Variants in CNBD1 observed in about 807,000 individuals in gnomAD.
The protein encoded by CNBD1 is cyclic nucleotide-binding domain-containing protein 1.
CNBD1 carries 71 observed loss-of-function variants against 54.4 expected under a neutral mutation model. The ratio of observed to expected loss-of-function variants is 1.30; its 90% CI spans 1.08 to 1.59. The LOEUF (loss-of-function observed/expected upper bound fraction) is 1.59, where lower values mean the gene tolerates loss of function less well. Ranked by LOEUF, CNBD1 falls within the 40% of genes most tolerant of loss-of-function variation. The pLI is 0.00. For missense variants in CNBD1, 659 were observed against 518.0 expected (o/e 1.27, Z -2.64); for synonymous variants, 182 against 170.7 (o/e 1.07, Z -0.51).
At position 87,171,173 on chromosome 8, in the gene CNBD1, A is replaced by G. The variant is rs905878258; in HGVS notation, c.432-34820A>G. Among the ~76,000 whole-genome samples the G allele has an allele frequency of 5.3e-5, 8 of 152,078 alleles. No individual in the cohort carries two copies. In the East Asian group the frequency reaches 1.2e-3, roughly 22 times the overall value. On this transcript the variant is annotated intron_variant, in intron 4 of 10. Coordinates refer to ENST00000518476, the MANE Select transcript of CNBD1 (RefSeq NM_173538.3). ...GTCTCAGGCTTTTCTTTGCTGGGAG[A>G]CATTTTAATATGGCTTTGATTTCAT...
intron 4 of CNBD1, among the ~76,000 whole-genome samples, chr8:87,052,675 T>C (rs989434484): frequency 1.3e-5 from 2 of 152,144 alleles, no homozygotes; most frequent in East Asian, 1.9e-4. Context: ...GAGGTTTTCT[T>C]TGGCTATAGG....
At chr8:87,131,861 C>T (rs1252269939) in intron 4 of CNBD1, among the ~76,000 whole-genome samples, 1 of 151,980 alleles carries the variant, frequency 6.6e-6, no homozygotes, top group Non-Finnish European at 1.5e-5. Context: ...TATCACCTCT[C>T]TTCATTGAAA....
At chr8:87,155,015 G>C (rs1455529938) in intron 4 of CNBD1, among the ~76,000 whole-genome samples, 2 of 152,140 alleles carry the variant, frequency 1.3e-5, no homozygotes, top group South Asian at 4.1e-4. Flanking sequence ...CCAGCTGGGA[G>C]CACCTGCTCC....
At chr8:87,161,849 C>T (rs1376375609) in intron 4 of CNBD1, among the ~76,000 whole-genome samples, 1 of 152,104 alleles carries the variant, frequency 6.6e-6, no homozygotes, top group Non-Finnish European at 1.5e-5. Context: ...GTTTATTCAA[C>T]ATGGTAAAGC....
chr8:87,307,162 C>T (rs970973171), intron 8 of CNBD1, among the ~76,000 whole-genome samples: 2 of 152,138 alleles, frequency 1.3e-5, no homozygotes, highest in African/African-American at 4.8e-5. Context: ...AACATAAGCC[C>T]TCTCGAACAT....
chr8:87,071,744 T>A (rs1810763066), intron 4 of CNBD1, among the ~76,000 whole-genome samples: 1 of 152,164 alleles, frequency 6.6e-6, no homozygotes, highest in South Asian at 2.1e-4. Flanking sequence ...GTGATCAGTT[T>A]TAGAGTAAGT....
downstream of CNBD1, among the ~76,000 whole-genome samples, chr8:87,383,054 A>G (rs971789220): frequency 6.6e-6 from 1 of 152,048 alleles, no homozygotes; most frequent in Non-Finnish European, 1.5e-5. Context: ...AAAAAAATCT[A>G]TAAAGCATAT....
chr8:87,002,508 A>C (rs1809013583), intron 4 of CNBD1, among the ~76,000 whole-genome samples: 1 of 151,896 alleles, frequency 6.6e-6, no homozygotes, highest in Admixed American at 6.6e-5. Context: ...ATTCTATTCC[A>C]GGCATGTGGT....
Position 86,939,750 on chromosome 8 carries a change from A to G in CNBD1, c.427A>G (p.Lys143Glu). The stretch of plus-strand genomic sequence containing the variant: ...TGAAGAATTCCTAGCTATCTTAAAG[A>G]AATTGTAAGTATTTAAAATATATTC... ...KFEEFLAILKKLPIHRTPYEH... is the reference protein window; with the variant it reads ...KFEEFLAILKELPIHRTPYEH... Residue 143 changes from lysine (K) to glutamate (E), a missense_variant, in exon 4 of 11, where the codon AAA becomes GAA. Transcript: ENST00000518476. 6.5e-7 allele frequency: 1 copy of G among 1,527,908 alleles called. No individual in the cohort carries two copies. Among genetic ancestry groups the G allele is most frequent in the Non-Finnish European group, 8.9e-7 (1 of 1,125,358 alleles). 94.6% of individuals were successfully genotyped at this position (1,527,908 alleles called of 1,614,324 possible).
intron 4 of CNBD1, among the ~76,000 whole-genome samples, chr8:87,160,924 A>G (rs1812844913): frequency 6.6e-6 from 1 of 152,142 alleles, no homozygotes; most frequent in Admixed American, 6.6e-5. Context: ...TGTATTTTCT[A>G]TGACACAAAC....
chr8:87,284,252 C>T (rs1808650268), intron 6 of CNBD1, among the ~76,000 whole-genome samples: 1 of 151,982 alleles, frequency 6.6e-6, no homozygotes, highest in Non-Finnish European at 1.5e-5. Flanking sequence ...AGCAATCATC[C>T]ATAAATATTA....
intron 4 of CNBD1, among the ~76,000 whole-genome samples, chr8:86,952,825 C>T (rs145514020): frequency 2.2e-4 from 33 of 152,090 alleles, no homozygotes; most frequent in Non-Finnish European, 2.1e-4. Flanking sequence ...AATCAAATTG[C>T]TCCCAAGAGT....
intron 2 of CNBD1, among the ~76,000 whole-genome samples, chr8:86,888,650 G>C (rs779079416): frequency 2.0e-5 from 3 of 152,106 alleles, no homozygotes; most frequent in Non-Finnish European, 2.9e-5. Context: ...AGAAGTGTTA[G>C]TTATTTTTAT....
intron 4 of CNBD1, among the ~76,000 whole-genome samples, chr8:86,955,908 G>A (rs974385798): frequency 6.6e-6 from 1 of 152,162 alleles, no homozygotes; most frequent in African/African-American, 2.4e-5. Context: ...CCTTGCCCAT[G>A]CCTATATCCT....
chr8:86,998,896 C>A (rs1039689759), intron 4 of CNBD1, among the ~76,000 whole-genome samples: 2 of 152,160 alleles, frequency 1.3e-5, no homozygotes, highest in Non-Finnish European at 2.9e-5. Context: ...AAGCATCCCA[C>A]AATCCACCTC....
At chr8:87,274,193 C>T (rs537969715) in intron 6 of CNBD1, among the ~76,000 whole-genome samples, 1 of 151,434 alleles carries the variant, frequency 6.6e-6, no homozygotes, top group East Asian at 1.9e-4. Flanking sequence ...GGGTTGGTTC[C>T]AAGTCTTTGC....
At chr8:87,288,165 GTTCC>G (rs1808730373) in intron 8 of CNBD1, among the ~76,000 whole-genome samples, 1 of 151,888 alleles carries the variant, frequency 6.6e-6, no homozygotes, top group African/African-American at 2.4e-5. Flanking sequence ...ATGCCTTTTT[GTTCC>G]TTCATTCATC....
intron 8 of CNBD1, among the ~76,000 whole-genome samples, chr8:87,345,112 A>G (rs1290303730): frequency 2.0e-5 from 3 of 152,174 alleles, no homozygotes; most frequent in African/African-American, 7.2e-5. Context: ...AAGTCATTTA[A>G]CTACTTCAGC....
rs193099135 is a variant in CNBD1, at chr8:87,230,527, C to A, written c.578-6392C>A. ...TGTGTGTGTCCTTCAGATGTTAGAA[C>A]ACATTTGAAAACTTCCAGAAATTAA... On this transcript the variant is annotated intron_variant, in intron 5 of 10. Coordinates refer to ENST00000518476, the MANE Select transcript of CNBD1 (RefSeq NM_173538.3). 1.2e-4 allele frequency among the ~76,000 whole-genome samples: 19 copies of A among 152,044 alleles called. No homozygotes were observed. The East Asian group carries it at 2.3e-3, about 19-fold the overall frequency.
Sources: gnomAD v4.1 joint callset for allele counts (sites outside exome capture counted in the v4.1 genomes callset) on GRCh38, gnomAD v4.1.1 for gene constraint, MANE v1.5 for transcripts, NCBI Gene and HGNC (gene_info 2026-07-23, HGNC 2026-07-21) for gene names.